Variants in TCF4 observed in about 807,000 individuals in gnomAD.
The protein encoded by TCF4 is transcription factor 4, also known as SL3-3 enhancer factor 2.
A neutral mutation model predicts 82.1 loss-of-function variants in TCF4; 3 were observed. The ratio of observed to expected loss-of-function variants is 0.04; its 90% CI spans 0.02 to 0.09. The LOEUF (loss-of-function observed/expected upper bound fraction) is 0.09, where lower values mean the gene tolerates loss of function less well. Among genes scored for constraint, TCF4 ranks in the 10% least tolerant of loss-of-function variants. TCF4 has a pLI of 1.00. For missense variants in TCF4, 518 were observed against 852.7 expected (o/e 0.61, Z 4.89); for synonymous variants, 276 against 309.6 (o/e 0.89, Z 1.14).
intron 5 of TCF4, among the ~76,000 whole-genome samples, chr18:55,440,773 C>G (rs910614420): frequency 6.6e-6 from 1 of 152,172 alleles, no homozygotes. Flanking sequence ...CCTCTTTCTT[C>G]GTAAGTAATT....
intron 2 of TCF4, among the ~76,000 whole-genome samples, chr18:55,625,393 C>T (rs1425769160): frequency 1.3e-5 from 2 of 152,058 alleles, no homozygotes; most frequent in African/African-American, 4.8e-5. Context: ...CGCACACCAC[C>T]ATGCCCAGCT....
At chr18:55,555,679 T>C (rs2097297485) in intron 3 of TCF4, among the ~76,000 whole-genome samples, 1 of 152,174 alleles carries the variant, frequency 6.6e-6, no homozygotes, top group Non-Finnish European at 1.5e-5. Flanking sequence ...ATTAAAGCCA[T>C]AAAACTCTCA....
At chr18:55,299,582 T>C (rs2067526620) in intron 8 of TCF4, among the ~76,000 whole-genome samples, 1 of 151,872 alleles carries the variant, frequency 6.6e-6, no homozygotes, top group South Asian at 2.1e-4. Context: ...TTGTGAGTAA[T>C]ATTTTGAAAT....
At chr18:55,384,242 TG>T (rs1311146855) in intron 6 of TCF4, 1 of 152,246 alleles carries the variant, frequency 6.6e-6, no homozygotes, top group Admixed American at 6.5e-5. Flanking sequence ...GGAGAAAAGA[TG>T]GCCCTCTGAC....
chr18:55,231,122 G>A (rs145453426), intron 17 of TCF4: 3 of 152,426 alleles, frequency 2.0e-5, no homozygotes, highest in Middle Eastern at 3.4e-3. Flanking sequence ...TGCTGCCAGT[G>A]CCAAGGAAAT....
At chr18:55,304,020 A>T (rs910935577) in intron 8 of TCF4, among the ~76,000 whole-genome samples, 1 of 152,226 alleles carries the variant, frequency 6.6e-6, no homozygotes, top group Admixed American at 6.5e-5. Flanking sequence ...TTTTCTAAAT[A>T]AAGCTGGAAA....
Position 55,621,763 on chromosome 18 carries a change from CAT to C in TCF4, c.286+9533_286+9534del, listed in dbSNP as rs535771751. 8.8e-3 allele frequency among the ~76,000 whole-genome samples: 742 copies of C among 84,524 alleles called. 8 individuals carry two copies. The highest frequency in any genetic ancestry group is 0.05 in the East Asian group (132 of 2,660). The allele number at this position is 84,524 out of a possible 152,430, so 55.5% of individuals were successfully genotyped here. A position where few individuals can be genotyped will look rare whatever the true frequency, so the allele number is the denominator to read the frequency against. ...ATTGTATTTATAATTATAATTATAA[CAT>C]ATAATATATAATATAATATATATTA... On this transcript the variant is annotated intron_variant, in intron 2 of 20. Coordinates refer to the TCF4 transcript ENST00000398339.
intron 8 of TCF4, among the ~76,000 whole-genome samples, chr18:55,286,151 T>C (rs1279592182): frequency 6.6e-6 from 1 of 152,194 alleles, no homozygotes; most frequent in African/African-American, 2.4e-5. Context: ...TTAGACATGG[T>C]GTGATCACTT....
chr18:55,503,800 C>A (rs1306871334), intron 3 of TCF4, among the ~76,000 whole-genome samples: 5 of 152,148 alleles, frequency 3.3e-5, no homozygotes, highest in Admixed American at 2.6e-4. Flanking sequence ...AATGGCCGGG[C>A]ACTGTGGCTC....
chr18:55,392,894 G>T (rs1186512903), intron 6 of TCF4, among the ~76,000 whole-genome samples: 1 of 151,974 alleles, frequency 6.6e-6, no homozygotes, highest in Admixed American at 6.6e-5. Flanking sequence ...ATTCTTCTTG[G>T]TTAAATCACT....
At chr18:55,486,832 C>T (rs1450763074) in intron 3 of TCF4, among the ~76,000 whole-genome samples, 1 of 152,132 alleles carries the variant, frequency 6.6e-6, no homozygotes, top group Non-Finnish European at 1.5e-5. Context: ...CATAGAAATG[C>T]TTCAAAACAT....
chr18:55,363,787 C>CA (rs1175188844), intron 6 of TCF4, among the ~76,000 whole-genome samples: 22 of 152,170 alleles, frequency 1.4e-4, no homozygotes, highest in Admixed American at 1.3e-3. Context: ...GCCTGGGAAA[C>CA]AGAGCGACAC....
chr18:55,493,654 TTGA>T (rs755345233), intron 3 of TCF4, among the ~76,000 whole-genome samples: 31 of 152,212 alleles, frequency 2.0e-4, no homozygotes, highest in African/African-American at 6.8e-4. Context: ...TATAAATTAC[TTGA>T]TGAATCTTAT....
At position 55,380,398 on chromosome 18, in the gene TCF4, T is replaced by C. The variant is rs181492409; in HGVS notation, c.369+23056A>G. Among the ~76,000 whole-genome samples, 29 of 152,166 alleles carry C rather than the reference T, an allele frequency of 1.9e-4. No individual in the cohort carries two copies. In the East Asian group the frequency reaches 4.8e-3, roughly 25 times the overall value. On this transcript the variant is annotated intron_variant, in intron 6 of 19. Transcript: ENST00000354452. ...ACCCGTCATCTACATCCGGTATTTC[T>C]CCTAATGCTAACCCTCCCCTCGTCC...
chr18:55,516,137 G>T (rs565863195), intron 3 of TCF4, among the ~76,000 whole-genome samples: 4 of 152,110 alleles, frequency 2.6e-5, no homozygotes, highest in Non-Finnish European at 5.9e-5. Context: ...TACGGAGACA[G>T]GGCTGTAGAT....
Position 55,615,419 on chromosome 18 carries a change from CT to C in TCF4, c.286+15878del, listed in dbSNP as rs145887715. On this transcript the variant is annotated intron_variant, in intron 2 of 20. Coordinates refer to the TCF4 transcript ENST00000398339. ...CTGAACCTGGCTAAACTCAAACTTG[CT>C]TTTTTTTTTAAGATTCCACCAGATT... Among the ~76,000 whole-genome samples the C allele has an allele frequency of 8.6e-3, 1,260 of 147,014 alleles. 11 individuals are homozygous for C. The highest frequency in any genetic ancestry group is 0.026 in the African/African-American group (1,038 of 40,274).
chr18:55,459,397 TAG>T (rs2095831042), intron 5 of TCF4, among the ~76,000 whole-genome samples: 1 of 152,234 alleles, frequency 6.6e-6, no homozygotes, highest in Non-Finnish European at 1.5e-5. Context: ...AGTTGTTCTT[TAG>T]AGTTAAAACT....
chr18:55,356,214 T>A (rs2083473787), intron 6 of TCF4, among the ~76,000 whole-genome samples: 1 of 152,188 alleles, frequency 6.6e-6, no homozygotes, highest in African/African-American at 2.4e-5. Flanking sequence ...CCAAAAGTTA[T>A]GAGTGATCAT....
intron 15 of TCF4, among the ~76,000 whole-genome samples, chr18:55,238,815 T>C (rs1026179999): frequency 2.0e-5 from 3 of 152,204 alleles, no homozygotes; most frequent in African/African-American, 7.2e-5. Flanking sequence ...TACCTCCTGC[T>C]AATTTCCTCT....
Sources: gnomAD v4.1 joint callset for allele counts (sites outside exome capture counted in the v4.1 genomes callset) on GRCh38, gnomAD v4.1.1 for gene constraint, MANE v1.5 for transcripts, NCBI Gene and HGNC (gene_info 2026-07-23, HGNC 2026-07-21) for gene names.